Variants in NHS observed in about 807,000 individuals in gnomAD.
NHS encodes NHS actin remodeling regulator.
In NHS, 5 loss-of-function variants were observed where a neutral mutation model predicts 72.5. The ratio of observed to expected loss-of-function variants is 0.07; its 90% CI spans 0.04 to 0.14. The LOEUF is 0.14. Ranked by LOEUF, NHS falls within the 10% of genes least tolerant of loss-of-function variation. The pLI is 1.00. For missense variants in NHS, 1,072 were observed against 1,355.7 expected (o/e 0.79, Z 3.29); for synonymous variants, 464 against 547.7 (o/e 0.85, Z 2.13).
At chrX:17,463,135 G>A (rs1314543464) in intron 1 of NHS, among the ~76,000 whole-genome samples, 1 of 112,136 alleles carries the variant, frequency 8.9e-6, no homozygotes, top group Non-Finnish European at 1.9e-5. Context: ...GCATAAATTA[G>A]CAAAGCAATT....
intron 1 of NHS, among the ~76,000 whole-genome samples, chrX:17,648,070 AT>A (rs1449788173): frequency 1.8e-5 from 2 of 111,663 alleles, no homozygotes; most frequent in Non-Finnish European, 1.9e-5. Flanking sequence ...ATGGCCAGAA[AT>A]TTATTTTAAA....
intron 3 of NHS, among the ~76,000 whole-genome samples, chrX:17,712,290 T>TATATATATATATATATAC (rs1396937988): frequency 3.8e-5 from 2 of 52,998 alleles, no homozygotes; most frequent in African/African-American, 7.4e-5. Context: ...TATATATATA[T>TATATATATATATATATAC]ACACACACAC....
intron 1 of NHS, among the ~76,000 whole-genome samples, chrX:17,656,096 C>T (rs1024280283): frequency 8.8e-6 from 1 of 113,536 alleles, no homozygotes; most frequent in East Asian, 2.8e-4. Flanking sequence ...ATTCCGAGCC[C>T]AGCGCCCCAG....
At chrX:17,439,859 A>G (rs780217791) in intron 1 of NHS, among the ~76,000 whole-genome samples, 24 of 112,489 alleles carry the variant, frequency 2.1e-4, no homozygotes, top group Non-Finnish European at 3.9e-4. Flanking sequence ...CATAGAATCA[A>G]CGGCTTTGGA....
chrX:17,596,438 A>G (rs1163854548), intron 1 of NHS, among the ~76,000 whole-genome samples: 1 of 112,312 alleles, frequency 8.9e-6, no homozygotes, highest in African/African-American at 3.2e-5. Flanking sequence ...AGACTCAGTT[A>G]TGGAAATAAC....
chrX:17,510,613 G>T (rs1007494502), intron 1 of NHS, among the ~76,000 whole-genome samples: 6 of 111,893 alleles, frequency 5.4e-5, no homozygotes, highest in African/African-American at 2.0e-4. Context: ...GTTATAAATC[G>T]AGTGGTGAGG....
At chrX:17,643,296 C>T (rs2065890767) in intron 1 of NHS, among the ~76,000 whole-genome samples, 2 of 109,716 alleles carry the variant, frequency 1.8e-5, no homozygotes, top group Middle Eastern at 4.7e-3. Flanking sequence ...TTCTTTCTTT[C>T]TTTTTTTTTC....
rs921020686 is a variant in NHS, at chrX:17,375,697, C to G, written c.-61C>G. ...CCCTCCCTGCTCAGGTGGGCGCGCC[C>G]GGTCTCCAGCTCACAGGGGCGCTTG... is the stretch of plus-strand genomic sequence containing the variant. On this transcript the variant is annotated 5_prime_UTR_variant, in exon 1 of 9. Transcript: ENST00000676302. 30 of 1,128,032 alleles carry G rather than the reference C, an allele frequency of 2.7e-5. No individual in the cohort carries two copies. The highest frequency in any genetic ancestry group is 2.0e-4 in the East Asian group (6 of 30,419). 93.0% of individuals were successfully genotyped at this position (1,128,032 alleles called of 1,213,427 possible).
At chrX:17,419,505 G>T (rs971129364) in intron 1 of NHS, among the ~76,000 whole-genome samples, 8 of 111,769 alleles carry the variant, frequency 7.2e-5, no homozygotes, top group Non-Finnish European at 1.3e-4. Flanking sequence ...CTTTAATGCT[G>T]TGGGAAGCCT....
intron 1 of NHS, among the ~76,000 whole-genome samples, chrX:17,441,637 CTTTCCTCCTTCCAGTT>C (rs976158534): frequency 9.0e-6 from 1 of 111,545 alleles, no homozygotes; most frequent in Non-Finnish European, 1.9e-5. Context: ...CATCTCCCTC[CTTTCCTCCTTCCAGTT>C]TTTCCTTCCT....
intron 1 of NHS, among the ~76,000 whole-genome samples, chrX:17,463,327 G>C (rs190149713): frequency 9.1e-6 from 1 of 110,356 alleles, no homozygotes; most frequent in African/African-American, 3.3e-5. Flanking sequence ...GGATTTGCTG[G>C]GGGGGAGGGC....
rs141570135 is a variant in NHS, at chrX:17,729,431, G to A, written c.4349+656G>A. Among the ~76,000 whole-genome samples, 793 of 112,586 alleles carry A rather than the reference G, an allele frequency of 7.0e-3. 10 individuals carry two copies. Among genetic ancestry groups the A allele is most frequent in the African/African-American group, 0.024 (737 of 31,010 alleles). On this transcript the variant is annotated intron_variant, in intron 8 of 8. Transcript: ENST00000676302. The stretch of plus-strand genomic sequence containing the variant: ...TCAAGTTTGAGAAAAGACAATACGT[G>A]TTCCTGTCCATTTTATAGCTCAGAA...
At chrX:17,531,098 G>C (rs892730728) in intron 1 of NHS, among the ~76,000 whole-genome samples, 2 of 111,515 alleles carry the variant, frequency 1.8e-5, no homozygotes, top group Admixed American at 1.9e-4. Context: ...GGAAACCCTC[G>C]CACCAGCCAG....
At chrX:17,683,018 C>G (rs1442060079) in intron 1 of NHS, among the ~76,000 whole-genome samples, 1 of 111,791 alleles carries the variant, frequency 8.9e-6, no homozygotes, top group Non-Finnish European at 1.9e-5. Context: ...TAAGTTAGCT[C>G]ATTTCAGAGG....
intron 1 of NHS, among the ~76,000 whole-genome samples, chrX:17,625,281 C>T (rs2065792952): frequency 1.8e-5 from 2 of 111,123 alleles, no homozygotes; most frequent in African/African-American, 6.6e-5. Context: ...TCACATGTCA[C>T]TCATGAAAGA....
chrX:17,603,202 A>G (rs919072659), intron 1 of NHS, among the ~76,000 whole-genome samples: 5 of 111,672 alleles, frequency 4.5e-5, no homozygotes, highest in African/African-American at 1.6e-4. Context: ...CCCTTAGAAC[A>G]TGAGGCTACT....
At chrX:17,571,425 A>C (rs1259797093) in intron 1 of NHS, among the ~76,000 whole-genome samples, 3 of 112,016 alleles carry the variant, frequency 2.7e-5, no homozygotes, top group Non-Finnish European at 5.6e-5. Flanking sequence ...GGAATTTATC[A>C]ATTTCTTCCA....
At chrX:17,436,131 T>TG (rs2146879263) in intron 1 of NHS, among the ~76,000 whole-genome samples, 1 of 112,147 alleles carries the variant, frequency 8.9e-6, no homozygotes, top group Non-Finnish European at 1.9e-5. Flanking sequence ...AAAGTGTGTG[T>TG]TTTTTTGTTG....
chrX:17,728,305 A>G lies in NHS; in HGVS notation c.4199A>G (p.Asn1400Ser). ...AGCAAAGCAGAGGAGACCCAAGGAAATGTGGATGAGGCTTCATTGAAAGGT... is the reference window on the plus strand; with the variant it reads ...AGCAAAGCAGAGGAGACCCAAGGAAGTGTGGATGAGGCTTCATTGAAAGGT... ...DNSKAEETQG[N>S]VDEASLKESS... Residue 1400 changes from asparagine (N) to serine (S), a missense_variant, in exon 7 of 9, where the codon AAT becomes AGT. By Grantham distance (46) the Asn-to-Ser change is conservative (BLOSUM62 1). Transcript: ENST00000676302. 8.3e-7 allele frequency: 1 copy of G among 1,211,500 alleles called. No homozygotes were observed. The highest frequency in any genetic ancestry group is 3.0e-5 in the East Asian group (1 of 33,845).
Sources: gnomAD v4.1 joint callset for allele counts (sites outside exome capture counted in the v4.1 genomes callset) on GRCh38, gnomAD v4.1.1 for gene constraint, MANE v1.5 for transcripts, NCBI Gene and HGNC (gene_info 2026-07-23, HGNC 2026-07-21) for gene names.